Variants in ALDH6A1 observed in about 807,000 individuals in gnomAD.
ALDH6A1 encodes aldehyde dehydrogenase 6 family member A1, also known as methylmalonate-semialdehyde/malonate-semialdehyde dehydrogenase [acylating], mitochondrial.
Under a neutral mutation model 62.6 loss-of-function variants are expected in ALDH6A1, and 43 were observed. The observed-to-expected ratio is 0.69, with a 90% CI of 0.54 to 0.89. The LOEUF is 0.89. Among genes scored for constraint, ALDH6A1 ranks in the 40% least tolerant of loss-of-function variants. The pLI, the probability that ALDH6A1 is intolerant of heterozygous loss-of-function variation, is 0.00. For missense variants in ALDH6A1, 551 were observed against 661.3 expected (o/e 0.83, Z 1.83); for synonymous variants, 194 against 234.2 (o/e 0.83, Z 1.57).
chr14:74,075,618 C>T (rs2060604184), intron 1 of ALDH6A1, among the ~76,000 whole-genome samples: 1 of 151,510 alleles, frequency 6.6e-6, no homozygotes, highest in Admixed American at 6.6e-5. Flanking sequence ...GATTATGCCA[C>T]TGCACTCCAG....
At position 74,060,043 on chromosome 14, in the gene ALDH6A1, G is replaced by C. The variant is rs113031892; in HGVS notation, c.*599C>G. 2.0e-3 allele frequency: 318 copies of C among 155,730 alleles called. 1 individual carries two copies. Among genetic ancestry groups the C allele is most frequent in the Non-Finnish European group, 3.6e-3 (254 of 70,270 alleles). The allele number at this position is 155,730 out of a possible 1,614,324, so 9.6% of individuals were successfully genotyped here. On this transcript the variant is annotated 3_prime_UTR_variant, in exon 12 of 12. Coordinates refer to ENST00000553458, the MANE Select transcript of ALDH6A1 (RefSeq NM_005589.4). Reference sequence around the variant, plus strand: ...AGGAGGTCTCTCCCAGTGGCATTTAGGTAGCGCTATGTTTGAGGATCAACC... The same window carrying C: ...AGGAGGTCTCTCCCAGTGGCATTTACGTAGCGCTATGTTTGAGGATCAACC...
Position 74,069,109 on chromosome 14 carries a change from T to C in ALDH6A1, c.731-128A>G, listed in dbSNP as rs556083221. 2.7e-4 allele frequency: 302 copies of C among 1,101,004 alleles called. 1 individual carries two copies. The African/African-American group carries it at 4.4e-3, about 16-fold the overall frequency. The allele number at this position is 1,101,004 out of a possible 1,614,324, so 68.2% of individuals were successfully genotyped here. A position where few individuals can be genotyped will look rare whatever the true frequency, so the allele number is the denominator to read the frequency against. On this transcript the variant is annotated intron_variant, in intron 6 of 11. Transcript: ENST00000553458. The stretch of plus-strand genomic sequence containing the variant: ...TTTTTCTTTTACTTTTTCTTTTTTT[T>C]TTTTTTTTTTTTTGAGACGGAGTCT...
At chr14:74,080,407 A>G (rs2060659096) in intron 1 of ALDH6A1, among the ~76,000 whole-genome samples, 1 of 132,886 alleles carries the variant, frequency 7.5e-6, no homozygotes, top group East Asian at 2.2e-4. Context: ...TCACTCTGTC[A>G]CCCAGGCTAG....
intron 7 of ALDH6A1, 24 bp from the exon 8 acceptor site, chr14:74,067,593 A>T: frequency 6.2e-7 from 1 of 1,612,748 alleles, no homozygotes; most frequent in Non-Finnish European, 8.5e-7. Flanking sequence ...CAGAAAGCAC[A>T]TGAGTCTTCC....
At chr14:74,073,856 T>A (rs5025653) in intron 2 of ALDH6A1, among the ~76,000 whole-genome samples, 35,704 of 147,088 alleles carry the variant, frequency 0.24, 4,879 homozygotes, top group South Asian at 0.46. Context: ...AGGTGGAGGT[T>A]GCAGTGAGCT....
Position 74,057,264 on chromosome 14 carries a change from G to T in ALDH6A1, c.*3378C>A. On this transcript the variant is annotated 3_prime_UTR_variant, in exon 12 of 12. Transcript: ENST00000553458. ...AACCTCAGGAGTCTGACACAGTAAG[G>T]AGTCTGTATCTAATCAAACAATGTA... 6.2e-7 allele frequency: 1 copy of T among 1,614,116 alleles called. No homozygotes were observed. Among genetic ancestry groups the T allele is most frequent in the Non-Finnish European group, 8.5e-7 (1 of 1,179,994 alleles).
intron 1 of ALDH6A1, among the ~76,000 whole-genome samples, chr14:74,076,137 G>C (rs1016670834): frequency 2.6e-5 from 4 of 152,120 alleles, no homozygotes; most frequent in Non-Finnish European, 5.9e-5. Flanking sequence ...TTTCACAGGT[G>C]TATACAAATG....
At chr14:74,070,445 G>T (rs956396691) in intron 6 of ALDH6A1, among the ~76,000 whole-genome samples, 5 of 152,040 alleles carry the variant, frequency 3.3e-5, no homozygotes, top group South Asian at 2.1e-4. Context: ...CTTGAACCTG[G>T]GAGGCAGCGG....
At chr14:74,082,001 G>T (rs2060672890) in intron 1 of ALDH6A1, among the ~76,000 whole-genome samples, 2 of 152,144 alleles carry the variant, frequency 1.3e-5, no homozygotes. Context: ...GAGTTTAAGA[G>T]TTCAAGACCA....
At chr14:74,062,472 G>A (rs1284695951) in intron 11 of ALDH6A1, among the ~76,000 whole-genome samples, 8 of 151,912 alleles carry the variant, frequency 5.3e-5, no homozygotes, top group Admixed American at 4.6e-4. Flanking sequence ...GTGGTGGCAC[G>A]TGCCTGTAAT....
intron 6 of ALDH6A1, 103 bp from the exon 7 acceptor site, chr14:74,069,084 T>C (rs1361076666): frequency 4.8e-6 from 6 of 1,257,972 alleles, no homozygotes; most frequent in African/African-American, 1.5e-5. Context: ...TTTTCCTGTG[T>C]TTTTCTTTTA....
rs1014038305 is a variant in ALDH6A1 at position 74,065,297 on chromosome 14, T to A, written c.1288A>T (p.Thr430Ser). The change falls in exon 10 of 12, where the codon ACA (threonine) becomes TCA (serine). Residue 430 changes from threonine (T) to serine (S), a missense_variant. Thr to Ser is a moderately conservative substitution (Grantham distance 58). Transcript: ENST00000553458. ...GPVLVVLETE[T>S]LDEAIQIVNN... ...ACAATCTGGATGGCTTCATCCAATG[T>A]TTCTGTCTCCAGAACCACAAGAACT... The A allele has an allele frequency of 6.2e-7, 1 of 1,614,172 alleles. No individual in the cohort carries two copies. Among genetic ancestry groups the A allele is most frequent in the Non-Finnish European group, 8.5e-7 (1 of 1,180,028 alleles).
In ALDH6A1 at chr14:74,074,288, AT is replaced by A. The variant is rs35478388; in HGVS notation, c.111+666del. On this transcript the variant is annotated intron_variant, in intron 2 of 11. Coordinates refer to ENST00000553458, the MANE Select transcript of ALDH6A1 (RefSeq NM_005589.4). ...CACTGCGCCCGGCCCCTTTCACTAA[AT>A]TTTTTTTTTTTTTTTTGAAACGGAG... Among the ~76,000 whole-genome samples the A allele has an allele frequency of 6.3e-3, 820 of 130,032 alleles. 4 individuals are homozygous for A. Among genetic ancestry groups the A allele is most frequent in the African/African-American group, 0.014 (480 of 34,528 alleles). 85.3% of individuals were successfully genotyped at this position (130,032 alleles called of 152,430 possible).
rs192803721 is a variant in ALDH6A1, at chr14:74,057,425, C to T, written c.*3217G>A. The T allele has an allele frequency of 7.2e-5, 109 of 1,512,520 alleles. No individual in the cohort carries two copies. The Admixed American group carries it at 8.7e-4, about 12-fold the overall frequency. 93.7% of individuals were successfully genotyped at this position (1,512,520 alleles called of 1,614,324 possible). ...TTACATAAATTTTTAAAGCAATATC[C>T]GTACAAATGCATATTATACTAATGC... On this transcript the variant is annotated 3_prime_UTR_variant, in exon 12 of 12. Transcript: ENST00000553458.
In ALDH6A1 at chr14:74,072,621, A is replaced by T; in HGVS notation, c.112-10T>A. The T allele has an allele frequency of 6.5e-7, 1 of 1,540,984 alleles. No individual in the cohort carries two copies. Among genetic ancestry groups the T allele is most frequent in the Non-Finnish European group, 8.7e-7 (1 of 1,147,018 alleles). On this transcript the variant is annotated splice_polypyrimidine_tract_variant and intron_variant, in intron 2 of 11. Transcript: ENST00000553458. ...AGAGCTTTACAGTTGGCTGAAAAAA[A>T]CAAACAAACAAACAAACAAACAAAA...
intron 1 of ALDH6A1, among the ~76,000 whole-genome samples, chr14:74,080,051 C>T (rs12880122): frequency 6.7e-6 from 1 of 148,838 alleles, no homozygotes; most frequent in Admixed American, 6.6e-5. Flanking sequence ...AAAACAAAAA[C>T]CAAAAAACAA....
Position 74,083,974 on chromosome 14 carries a change from G to A in ALDH6A1, c.48+373C>T, listed in dbSNP as rs555704019. On this transcript the variant is annotated intron_variant, in intron 1 of 11. Transcript: ENST00000553458. ...GGGGACAGAGTAACCAAAAAGAGTA[G>A]TTTCTGGGGGAGAGAGAGAAGGCTG... Among the ~76,000 whole-genome samples, 7 of 152,272 alleles carry A rather than the reference G, an allele frequency of 4.6e-5. No homozygotes were observed. The East Asian group carries it at 1.2e-3, about 25-fold the overall frequency.
Position 74,057,479 on chromosome 14 carries a change from A to G in ALDH6A1, c.*3163T>C, listed in dbSNP as rs931175617. ...TGCAAATGTGTGCCTCTTTTTGTGT[A>G]GAAACCTATAGGTTGCCTTTTGAAG... On this transcript the variant is annotated 3_prime_UTR_variant, in exon 12 of 12. Transcript: ENST00000553458. 8.4e-6 allele frequency: 12 copies of G among 1,429,206 alleles called. 1 individual carries two copies. The Middle Eastern group carries it at 7.4e-4, about 89-fold the overall frequency. 88.5% of individuals were successfully genotyped at this position (1,429,206 alleles called of 1,614,324 possible). A position where few individuals can be genotyped will look rare whatever the true frequency, so the allele number is the denominator to read the frequency against.
Position 74,060,319 on chromosome 14 carries a change from C to T in ALDH6A1, c.*323G>A. 1 of 320,048 alleles carries T rather than the reference C, an allele frequency of 3.1e-6. No homozygotes were observed. The highest frequency in any genetic ancestry group is 4.3e-5 in the Admixed American group (1 of 23,486). The allele number at this position is 320,048 out of a possible 1,614,324, so 19.8% of individuals were successfully genotyped here. A position where few individuals can be genotyped will look rare whatever the true frequency, so the allele number is the denominator to read the frequency against. On this transcript the variant is annotated 3_prime_UTR_variant, in exon 12 of 12. Coordinates refer to ENST00000553458, the MANE Select transcript of ALDH6A1 (RefSeq NM_005589.4). ...CTGGCTGGAACATTTTCTTTACATA[C>T]ACTGGCTTTTCTCCCCTTCAAATCA...
Sources: allele counts gnomAD v4.1 joint callset (sites outside exome capture counted in the v4.1 genomes callset), GRCh38; gene constraint gnomAD v4.1.1; transcripts MANE v1.5; gene names NCBI Gene and HGNC (gene_info 2026-07-23, HGNC 2026-07-21).